The following MAGI3 variants were observed in gnomAD, a reference collection of about 807,000 sequenced individuals.
MAGI3 encodes the protein membrane-associated guanylate kinase, WW and PDZ domain-containing protein 3.
MAGI3 carries 43 observed loss-of-function variants against 121.8 expected under a neutral mutation model. The observed-to-expected ratio is 0.35, with a 90% CI of 0.28 to 0.46. The LOEUF (loss-of-function observed/expected upper bound fraction) is 0.46, where lower values mean the gene tolerates loss of function less well. Ranked by LOEUF, MAGI3 falls within the 20% of genes least tolerant of loss-of-function variation. The probability of loss-of-function intolerance (pLI) is 1.00; values close to 1 mark genes in which losing one functional copy is unlikely to be tolerated. For missense variants in MAGI3, 1,547 were observed against 1,797.3 expected, an observed-to-expected ratio of 0.86 and a Z score of 2.52; for synonymous variants, 553 against 639.3, an observed-to-expected ratio of 0.86 and a Z score of 2.04.
intron 1 of MAGI3, among the ~76,000 whole-genome samples, chr1:113,479,754 G>A (rs1482150102): frequency 1.3e-5 from 2 of 151,926 alleles, no homozygotes; most frequent in East Asian, 3.9e-4. Context: ...CTCCATAAGT[G>A]CCATAGACTA....
At position 113,473,925 on chromosome 1, in the gene MAGI3, T is replaced by A. The variant is rs146647441; in HGVS notation, c.317-75590T>A. Among the ~76,000 whole-genome samples, 802 of 152,254 alleles carry A rather than the reference T, an allele frequency of 5.3e-3. 5 individuals carry two copies. Among genetic ancestry groups the A allele is most frequent in the Non-Finnish European group, 8.2e-3 (558 of 67,986 alleles). On this transcript the variant is annotated intron_variant, in intron 1 of 20. Transcript: ENST00000307546. ...GTATTTCTTCACATCCTCTCCACCA[T>A]CTGTTGTTTCCTGAATTTTTAATGA...
intron 1 of MAGI3, among the ~76,000 whole-genome samples, chr1:113,447,048 G>A (rs2101474435): frequency 6.6e-6 from 1 of 152,294 alleles, no homozygotes; most frequent in Non-Finnish European, 1.5e-5. Context: ...TTTCATTTTG[G>A]TGTAATAAAA....
chr1:113,529,895 T>C (rs937272135), intron 1 of MAGI3, among the ~76,000 whole-genome samples: 7 of 152,114 alleles, frequency 4.6e-5, no homozygotes. Context: ...TATTAAAATA[T>C]TTTCACCAGA....
At chr1:113,441,173 T>C (rs1351064236) in intron 1 of MAGI3, among the ~76,000 whole-genome samples, 1 of 152,186 alleles carries the variant, frequency 6.6e-6, no homozygotes, top group Non-Finnish European at 1.5e-5. Context: ...GGCCACTTTT[T>C]CTACCCCTAA....
intron 2 of MAGI3, among the ~76,000 whole-genome samples, chr1:113,564,542 CT>C (rs1660361652): frequency 6.6e-6 from 1 of 151,996 alleles, no homozygotes; most frequent in Non-Finnish European, 1.5e-5. Flanking sequence ...TCAATGATCT[CT>C]ACTTGATACA....
At chr1:113,477,900 A>G (rs1570733753) in intron 1 of MAGI3, among the ~76,000 whole-genome samples, 1 of 152,114 alleles carries the variant, frequency 6.6e-6, no homozygotes, top group Non-Finnish European at 1.5e-5. Flanking sequence ...ACATAGTCCC[A>G]TATTTCTTGG....
intron 1 of MAGI3, among the ~76,000 whole-genome samples, chr1:113,438,958 T>G (rs1206203098): frequency 4.6e-5 from 7 of 152,166 alleles, no homozygotes; most frequent in Non-Finnish European, 1.0e-4. Flanking sequence ...AACTTTTACC[T>G]TTTCACTTAA....
chr1:113,428,261 G>C (rs1420325617), intron 1 of MAGI3, among the ~76,000 whole-genome samples: 1 of 152,160 alleles, frequency 6.6e-6, no homozygotes, highest in African/African-American at 2.4e-5. Flanking sequence ...CAGCTTTATT[G>C]CTTTGACTTT....
chr1:113,446,667 G>T (rs1405036599), intron 1 of MAGI3, among the ~76,000 whole-genome samples: 1 of 152,172 alleles, frequency 6.6e-6, no homozygotes, highest in Non-Finnish European at 1.5e-5. Flanking sequence ...CAAATAGATT[G>T]AAAGTGAAAG....
chr1:113,432,471 A>G (rs1653348592), intron 1 of MAGI3, among the ~76,000 whole-genome samples: 1 of 152,156 alleles, frequency 6.6e-6, no homozygotes, highest in African/African-American at 2.4e-5. Flanking sequence ...AACGAAACTA[A>G]AATTTTCAAT....
rs555225564 is a variant in MAGI3, at chr1:113,651,392, TA to T, written c.2440+193del. Among the ~76,000 whole-genome samples, 17 of 152,326 alleles carry T rather than the reference TA, an allele frequency of 1.1e-4. No homozygotes were observed. In the East Asian group the frequency reaches 3.1e-3, roughly 28 times the overall value. Reference sequence around the variant, plus strand: ...AAAGGATTCAGAAATAATACTACTATAAAAAAATAAATTTTGGGCTTCTATA... The same window carrying T: ...AAAGGATTCAGAAATAATACTACTATAAAAAATAAATTTTGGGCTTCTATA... On this transcript the variant is annotated intron_variant, in intron 14 of 20. Coordinates refer to ENST00000307546, the MANE Select transcript of MAGI3 (RefSeq NM_001142782.2).
intron 1 of MAGI3, among the ~76,000 whole-genome samples, chr1:113,452,546 A>G (rs1018983034): frequency 6.6e-6 from 1 of 151,948 alleles, no homozygotes. Flanking sequence ...TTCATAATCT[A>G]TTGAGAAAAG....
At chr1:113,393,466 G>A (rs1233904584) in intron 1 of MAGI3, among the ~76,000 whole-genome samples, 1 of 152,098 alleles carries the variant, frequency 6.6e-6, no homozygotes, top group African/African-American at 2.4e-5. Flanking sequence ...TTTCTAAGCA[G>A]GTTGTAATTT....
chr1:113,593,882 G>A (rs1022008478), intron 5 of MAGI3, among the ~76,000 whole-genome samples: 1 of 152,014 alleles, frequency 6.6e-6, no homozygotes, highest in Non-Finnish European at 1.5e-5. Context: ...ACTTAGTTTT[G>A]TAGAGCAGAG....
intron 1 of MAGI3, among the ~76,000 whole-genome samples, chr1:113,535,477 C>T (rs1658929474): frequency 6.6e-6 from 1 of 151,706 alleles, no homozygotes; most frequent in African/African-American, 2.4e-5. Context: ...TTTTTTTTAA[C>T]TCAATATATT....
intron 1 of MAGI3, among the ~76,000 whole-genome samples, chr1:113,517,256 G>A (rs1249097064): frequency 1.3e-5 from 2 of 151,764 alleles, no homozygotes; most frequent in African/African-American, 4.8e-5. Flanking sequence ...GGGAATTGGT[G>A]TAGTATATGG....
chr1:113,518,512 G>A (rs1449894244), intron 1 of MAGI3, among the ~76,000 whole-genome samples: 4 of 152,020 alleles, frequency 2.6e-5, no homozygotes, highest in East Asian at 3.9e-4. Flanking sequence ...CATAATTTTA[G>A]TATCTTTAAT....
intron 9 of MAGI3, among the ~76,000 whole-genome samples, chr1:113,641,418 T>A (rs75749810): frequency 2.0e-3 from 297 of 151,412 alleles, no homozygotes; most frequent in African/African-American, 6.7e-3. Context: ...CAGAGGAACC[T>A]GTCTAGAGTT....
intron 3 of MAGI3, among the ~76,000 whole-genome samples, chr1:113,582,734 C>CAGGA (rs1248340369): frequency 6.6e-6 from 1 of 151,530 alleles, no homozygotes; most frequent in African/African-American, 2.4e-5. Context: ...GCTATAGGGA[C>CAGGA]AGGAAGTTAG....
Sources: gnomAD v4.1 joint callset for allele counts (sites outside exome capture counted in the v4.1 genomes callset) on GRCh38, gnomAD v4.1.1 for gene constraint, MANE v1.5 for transcripts, NCBI Gene and HGNC (gene_info 2026-07-23, HGNC 2026-07-21) for gene names.